TGFBRAP1: variants seen among roughly 807,000 people sequenced by gnomAD.
TGFBRAP1 encodes transforming growth factor-beta receptor-associated protein 1.
TGFBRAP1 carries 20 observed loss-of-function variants against 83.2 expected under a neutral mutation model. The ratio of observed to expected loss-of-function variants is 0.24; its 90% CI spans 0.17 to 0.35. TGFBRAP1 has a LOEUF of 0.35. TGFBRAP1 is among the 10% of genes least tolerant of loss of function. The pLI, the probability that TGFBRAP1 is intolerant of heterozygous loss-of-function variation, is 1.00. For synonymous variants in TGFBRAP1, 415 were observed against 459.8 expected (o/e 0.90, Z 1.25); for missense variants, 950 against 1,099.4 (o/e 0.86, Z 1.92).
At chr2:105,252,792 G>T in the TGFBRAP1 span, among the ~76,000 whole-genome samples, 70 of 116,660 alleles carry the variant, frequency 6.0e-4, no homozygotes, top group African/African-American at 2.0e-3. Context: ...TTTCTCTGTC[G>T]CCCAGGCTGG....
chr2:105,327,093 T>C (rs774307155), intron 1 of TGFBRAP1: 12 of 152,190 alleles, frequency 7.9e-5, no homozygotes, highest in Admixed American at 3.3e-4. Flanking sequence ...TTTAATGTAT[T>C]TCTAATGAGG....
chr2:105,302,009 T>TAAAAAAAAAAAAAAAAAAAGAAAAA (rs1678311842), intron 2 of TGFBRAP1, among the ~76,000 whole-genome samples: 1 of 75,110 alleles, frequency 1.3e-5, no homozygotes. Flanking sequence ...TAAAGAATAC[T>TAAAAAAAAAAAAAAAAAAAGAAAAA]AAAAAAAAAA....
chr2:105,307,672 C>T lies in TGFBRAP1; in HGVS notation c.630G>A (p.Pro210=), dbSNP rs746599874. Residue 210 remains proline (P), a synonymous_variant, in exon 2 of 12, where the codon CCG becomes CCA. Coordinates refer to ENST00000393359, the MANE Select transcript of TGFBRAP1 (RefSeq NM_004257.6). ...GTCTCCCTATCCTCTTGACGATCGGCGGCCTCTCCTCACTGCAGTAGGGAA... is the reference window on the plus strand; with the variant it reads ...GTCTCCCTATCCTCTTGACGATCGGTGGCCTCTCCTCACTGCAGTAGGGAA... ...DLFPYCSEER[P]PIVKRIGRQE... The T allele has an allele frequency of 2.5e-5, 40 of 1,613,978 alleles. No individual in the cohort carries two copies. The highest frequency in any genetic ancestry group is 8.9e-5 in the East Asian group (4 of 44,882).
rs201576411 is a variant in TGFBRAP1 at position 105,307,903 on chromosome 2, G to A, written c.399C>T (p.Pro133=). The change falls in exon 2 of 12, where the codon CCC becomes CCT. Residue 133 remains proline, a synonymous_variant. Transcript: ENST00000393359. The part of the protein sequence containing the change: ...ALNENPVSGD[P]FCVEVCIISV... The stretch of plus-strand genomic sequence containing the variant: ...AGATGATGCAAACTTCTACACAGAA[G>A]GGGTCCCCACTCACAGGGTTCTCGT... The A allele has an allele frequency of 5.2e-5, 84 of 1,614,108 alleles. No homozygotes were observed. Among genetic ancestry groups the A allele is most frequent in the Non-Finnish European group, 6.8e-5 (80 of 1,180,058 alleles).
intron 5 of TGFBRAP1, 59 bp from the exon 6 acceptor site, chr2:105,280,782 A>G (rs1276993935): frequency 1.3e-6 from 2 of 1,519,736 alleles, no homozygotes; most frequent in Non-Finnish European, 1.8e-6. Context: ...ACATAGGCAC[A>G]CAAAACAGCA....
At chr2:105,280,833 G>A (rs369876878) in intron 5 of TGFBRAP1, 110 bp from the exon 6 acceptor site, 75 of 1,174,126 alleles carry the variant, frequency 6.4e-5, no homozygotes, top group Non-Finnish European at 8.8e-5. Context: ...ACAGGGGGCT[G>A]GGGAGCTGGG....
the TGFBRAP1 span, among the ~76,000 whole-genome samples, chr2:105,252,149 T>A: frequency 6.6e-6 from 1 of 152,034 alleles, no homozygotes; most frequent in Non-Finnish European, 1.5e-5. Context: ...AAAAAATAAA[T>A]AAATAAAATA....
At chr2:105,261,056 G>A (rs115334473), downstream of TGFBRAP1, among the ~76,000 whole-genome samples, 2,137 of 152,256 alleles carry the variant, frequency 0.014, 45 homozygotes, top group African/African-American at 0.049. Context: ...AGTTATATTC[G>A]TTTATAAGCT....
intron 4 of TGFBRAP1, among the ~76,000 whole-genome samples, chr2:105,285,190 G>C (rs1677674759): frequency 6.6e-6 from 1 of 152,186 alleles, no homozygotes; most frequent in Admixed American, 6.5e-5. Flanking sequence ...CATGAGTAAA[G>C]ACTGTGTTTT....
At chr2:105,312,670 A>G (rs1419099268) in intron 1 of TGFBRAP1, among the ~76,000 whole-genome samples, 1 of 152,266 alleles carries the variant, frequency 6.6e-6, no homozygotes, top group Non-Finnish European at 1.5e-5. Context: ...GAATATGCAC[A>G]TTGTCATTTT....
rs188470277 is a variant in TGFBRAP1, at chr2:105,282,944, A to G, written c.1121+1372T>C. 2.5e-3 allele frequency among the ~76,000 whole-genome samples: 384 copies of G among 152,306 alleles called. 4 individuals carry two copies. The highest frequency in any genetic ancestry group is 9.0e-3 in the African/African-American group (375 of 41,568). On this transcript the variant is annotated intron_variant, in intron 5 of 11. Coordinates refer to ENST00000393359, the MANE Select transcript of TGFBRAP1 (RefSeq NM_004257.6). ...TGCGGAAGTACAGGAATGTCATCCT[A>G]ATAACAGGCCCCACATCTATTCTCT...
In TGFBRAP1 at chr2:105,269,231, G is replaced by A; in HGVS notation, c.2406+41C>T. On this transcript the variant is annotated intron_variant, in intron 11 of 11. Coordinates refer to ENST00000393359, the MANE Select transcript of TGFBRAP1 (RefSeq NM_004257.6). This position sits in a 1 kb window ranked among gnomAD's most constrained non-coding sequence, Gnocchi z 4.1. ...CAGTAAAATCTACCTTCAGTACAAT[G>A]TTGACTGACCAGGAAGCAGCTCGTG... 2 of 1,534,196 alleles carry A rather than the reference G, an allele frequency of 1.3e-6. No homozygotes were observed. Among genetic ancestry groups the A allele is most frequent in the African/African-American group, 1.4e-5 (1 of 72,994 alleles).
chr2:105,297,238 T>G (rs1471041162), intron 3 of TGFBRAP1, among the ~76,000 whole-genome samples: 2 of 152,238 alleles, frequency 1.3e-5, no homozygotes, highest in Non-Finnish European at 2.9e-5. Context: ...AATCTAACTC[T>G]TTCTGTCTTC....
In TGFBRAP1 at chr2:105,267,363, G is replaced by A. The variant is rs370797276; in HGVS notation, c.*20C>T. On this transcript the variant is annotated 3_prime_UTR_variant, in exon 12 of 12. Coordinates refer to ENST00000393359, the MANE Select transcript of TGFBRAP1 (RefSeq NM_004257.6). ...TCAGAAAGAACTCGGAGTTCCCCTCGCACCCTTGGGCCAAGCTTTTCAAGT... is the reference window on the plus strand; with the variant it reads ...TCAGAAAGAACTCGGAGTTCCCCTCACACCCTTGGGCCAAGCTTTTCAAGT... 85 of 1,612,788 alleles carry A rather than the reference G, an allele frequency of 5.3e-5. No individual in the cohort carries two copies. The highest frequency in any genetic ancestry group is 6.2e-5 in the Non-Finnish European group (73 of 1,179,216).
At chr2:105,295,500 T>C (rs1678050822) in intron 4 of TGFBRAP1, among the ~76,000 whole-genome samples, 1 of 152,044 alleles carries the variant, frequency 6.6e-6, no homozygotes, top group African/African-American at 2.4e-5. Flanking sequence ...TTAAAATGAG[T>C]GTTTCTTAAG....
intron 4 of TGFBRAP1, among the ~76,000 whole-genome samples, chr2:105,284,652 G>A (rs1344435970): frequency 6.6e-6 from 1 of 152,150 alleles, no homozygotes; most frequent in Non-Finnish European, 1.5e-5. Flanking sequence ...GCTTCAACGA[G>A]TCCCTGTACT....
chr2:105,308,308 T>A lies in TGFBRAP1; in HGVS notation c.-7A>T. 6.3e-7 allele frequency: 1 copy of A among 1,595,500 alleles called. No homozygotes were observed. The highest frequency in any genetic ancestry group is 8.6e-7 in the Non-Finnish European group (1 of 1,166,146). ...AGGCTTTGATGCTCATCATGTCTAC[T>A]GGCTGATCTGCTGGAAGAGAAAGAG... On this transcript the variant is annotated 5_prime_UTR_variant, in exon 2 of 12. Transcript: ENST00000393359.
chr2:105,300,434 C>CTT lies in TGFBRAP1; in HGVS notation c.689-1731_689-1730dup, dbSNP rs769660664. ...CCAACATAGGATAATGGAGTAAAAT[C>CTT]TTTTTTTTTTTTTTTTTTTTCCGAG... On this transcript the variant is annotated intron_variant, in intron 2 of 11. Coordinates refer to ENST00000393359, the MANE Select transcript of TGFBRAP1 (RefSeq NM_004257.6). 1.3e-3 allele frequency among the ~76,000 whole-genome samples: 156 copies of CTT among 118,988 alleles called. 1 individual carries two copies. Among genetic ancestry groups the CTT allele is most frequent in the South Asian group, 2.1e-3 (7 of 3,276 alleles). The allele number at this position is 118,988 out of a possible 152,430, so 78.1% of individuals were successfully genotyped here.
intron 1 of TGFBRAP1, among the ~76,000 whole-genome samples, chr2:105,324,538 A>T (rs1263806251): frequency 6.6e-6 from 1 of 152,156 alleles, no homozygotes; most frequent in Non-Finnish European, 1.5e-5. Flanking sequence ...CCACTTTTAG[A>T]GGTGATTTTT....
Sources: allele counts gnomAD v4.1 joint callset (sites outside exome capture counted in the v4.1 genomes callset), GRCh38; gene constraint gnomAD v4.1.1; non-coding constraint Gnocchi (gnomAD v3.1); transcripts MANE v1.5; gene names NCBI Gene and HGNC (gene_info 2026-07-23, HGNC 2026-07-21).